Variants in AARS2 observed in about 807,000 individuals in gnomAD.
AARS2 encodes alanyl-tRNA synthetase 2, mitochondrial, also known as alanine--tRNA ligase, mitochondrial.
Under a neutral mutation model 119.7 loss-of-function variants are expected in AARS2, and 78 were observed. That is an observed-to-expected ratio of 0.65 (90% CI 0.54 to 0.79). AARS2 has a LOEUF of 0.79. Ranked by LOEUF, AARS2 falls within the 30% of genes least tolerant of loss-of-function variation. The probability of loss-of-function intolerance (pLI) is 0.00; values close to 1 mark genes in which losing one functional copy is unlikely to be tolerated. For missense variants in AARS2, 1,157 were observed against 1,291.3 expected (o/e 0.90, Z 1.59); for synonymous variants, 502 against 526.3 (o/e 0.95, Z 0.63).
Position 44,304,736 on chromosome 6 carries a change from C to A in AARS2, c.1661G>T (p.Arg554Leu). The A allele has an allele frequency of 6.2e-7, 1 of 1,614,222 alleles. No individual in the cohort carries two copies. Residue 554 changes from arginine (R) to leucine (L), a missense_variant, in exon 12 of 22, where the codon CGC becomes CTC. Coordinates refer to ENST00000244571, the MANE Select transcript of AARS2 (RefSeq NM_020745.4). ...TAVASVGKGQRCGLLLDRTNF... is the reference protein window; with the variant it reads ...TAVASVGKGQLCGLLLDRTNF... ...GGTCCTGTCCAAGAGGAGGCCACAG[C>A]GCTGGCCTTTCCCCACGGAGGCCAC... is the stretch of plus-strand genomic sequence containing the variant.
rs1410922691 is a variant in AARS2, at chr6:44,304,065, G to A, written c.2007+116C>T. ...ACTTGCCCAGGGTCCCATAGTGATT[G>A]GGTGGCCGTGCTGGGCCTAGAGCCC... On this transcript the variant is annotated intron_variant, in intron 14 of 21. Transcript: ENST00000244571. 7 of 1,467,684 alleles carry A rather than the reference G, an allele frequency of 4.8e-6. No homozygotes were observed. In the Admixed American group the frequency reaches 6.9e-5, roughly 15 times the overall value. The allele number at this position is 1,467,684 out of a possible 1,614,324, so 90.9% of individuals were successfully genotyped here. A position where few individuals can be genotyped will look rare whatever the true frequency, so the allele number is the denominator to read the frequency against.
intron 2 of AARS2, 114 bp from the exon 3 acceptor site, chr6:44,311,649 T>C: frequency 7.8e-7 from 1 of 1,278,194 alleles, no homozygotes; most frequent in Non-Finnish European, 1.1e-6. Context: ...GCATTTCTGC[T>C]GCCATCTTGT....
In AARS2 at chr6:44,304,170, G is replaced by A. The variant is rs372467518; in HGVS notation, c.2007+11C>T. 23 of 1,612,792 alleles carry A rather than the reference G, an allele frequency of 1.4e-5. No homozygotes were observed. The highest frequency in any genetic ancestry group is 2.7e-5 in the African/African-American group (2 of 74,892). ...CCTCACATGAAGCCTGTCTTTCTAT[G>A]CCGGGCTCACCTGGGTGGTCACATC... On this transcript the variant is annotated intron_variant, in intron 14 of 21. Transcript: ENST00000244571.
intron 4 of AARS2, 59 bp from the exon 5 acceptor site, chr6:44,310,502 T>A: frequency 1.2e-6 from 2 of 1,602,934 alleles, no homozygotes; most frequent in Non-Finnish European, 1.7e-6. Flanking sequence ...GTGAGACAGA[T>A]GCCCAAGTGG....
chr6:44,308,251 C>A lies in AARS2; in HGVS notation c.895-857G>T, dbSNP rs146049631. Among the ~76,000 whole-genome samples, 271 of 152,250 alleles carry A rather than the reference C, an allele frequency of 1.8e-3. 1 individual carries two copies. The highest frequency in any genetic ancestry group is 6.8e-3 in the Middle Eastern group (2 of 294). On this transcript the variant is annotated intron_variant, in intron 5 of 21. Coordinates refer to ENST00000244571, the MANE Select transcript of AARS2 (RefSeq NM_020745.4). ...ACAGGAGTAGCCTTTTAAAAGTGTA[C>A]ATCAGGCTGGGCGCGGTGGCTCACA...
In AARS2 at chr6:44,304,733, C is replaced by A; in HGVS notation, c.1664G>T (p.Cys555Phe). 1 of 1,614,232 alleles carries A rather than the reference C, an allele frequency of 6.2e-7. No homozygotes were observed. The highest frequency in any genetic ancestry group is 8.5e-7 in the Non-Finnish European group (1 of 1,180,032). The change falls in exon 12 of 22, where the codon TGT becomes TTT. Residue 555 changes from cysteine (C) to phenylalanine (F), a missense_variant. Transcript: ENST00000244571. Reference protein sequence around the residue: ...AVASVGKGQRCGLLLDRTNFY... With the variant: ...AVASVGKGQRFGLLLDRTNFY... ...GTTGGTCCTGTCCAAGAGGAGGCCA[C>A]AGCGCTGGCCTTTCCCCACGGAGGC...
In AARS2 at chr6:44,304,808, G is replaced by C; in HGVS notation, c.1589C>G (p.Thr530Ser). 3 of 1,614,182 alleles carry C rather than the reference G, an allele frequency of 1.9e-6. No homozygotes were observed. The highest frequency in any genetic ancestry group is 2.5e-6 in the Non-Finnish European group (3 of 1,180,016). ...CAGTTGCAACACCTGGGCCTCACAG[G>C]TGCCGAACTCTGCCAGGGCACAGAA... is the stretch of plus-strand genomic sequence containing the variant. ...LRPSGSYEFG[T>S]CEAQVLQLYT... The change falls in exon 12 of 22, where the codon ACC (threonine) becomes AGC (serine). Residue 530 changes from threonine to serine, a missense_variant. Thr to Ser is a moderately conservative substitution (Grantham distance 58). Coordinates refer to ENST00000244571, the MANE Select transcript of AARS2 (RefSeq NM_020745.4).
At chr6:44,301,094 CA>C in intron 21 of AARS2, 61 bp downstream of exon 21, 1 of 1,466,656 alleles carries the variant, frequency 6.8e-7, no homozygotes, top group East Asian at 2.3e-5. Context: ...GGTGTAAAAT[CA>C]GAGAGCTGGA....
chr6:44,308,058 C>T (rs2153355789), intron 5 of AARS2, among the ~76,000 whole-genome samples: 1 of 152,338 alleles, frequency 6.6e-6, no homozygotes, highest in East Asian at 1.9e-4. Context: ...ATCAGTGGTT[C>T]CTTTTGCTCC....
At position 44,304,749 on chromosome 6, in the gene AARS2, C is replaced by G; in HGVS notation, c.1648G>C (p.Gly550Arg). 1 of 1,614,214 alleles carries G rather than the reference C, an allele frequency of 6.2e-7. No homozygotes were observed. Among genetic ancestry groups the G allele is most frequent in the Non-Finnish European group, 8.5e-7 (1 of 1,180,032 alleles). The part of the protein sequence containing the change: ...TEDGTAVASV[G>R]KGQRCGLLLD... Reference sequence around the variant, plus strand: ...AGGAGGCCACAGCGCTGGCCTTTCCCCACGGAGGCCACTGCTGTCCCGTCC... The same window carrying G: ...AGGAGGCCACAGCGCTGGCCTTTCCGCACGGAGGCCACTGCTGTCCCGTCC... The change falls in exon 12 of 22, where the codon GGG becomes CGG. Residue 550 changes from glycine (G) to arginine (R), a missense_variant. By Grantham distance (125) the Gly-to-Arg change is moderately radical. Transcript: ENST00000244571.
At position 44,310,326 on chromosome 6, in the gene AARS2, A is replaced by G; in HGVS notation, c.867T>C (p.Phe289=). Residue 289 remains phenylalanine (F), a synonymous_variant, in exon 5 of 22, where the codon TTT becomes TTC. Coordinates refer to ENST00000244571, the MANE Select transcript of AARS2 (RefSeq NM_020745.4). ...GCTGTATGGCGTTGAGCAGCGGGGA[A>G]AAGAGGTCAGTGTCATAGGTGGAGT... ...GKHSTYDTDL[F]SPLLNAIQQG... is the part of the protein sequence containing the mutation. 6.2e-7 allele frequency: 1 copy of G among 1,609,922 alleles called. No homozygotes were observed. The highest frequency in any genetic ancestry group is 8.5e-7 in the Non-Finnish European group (1 of 1,178,088).
In AARS2 at chr6:44,303,157, G is replaced by T. The variant is rs145436818; in HGVS notation, c.2164C>A (p.Arg722=). 4 of 1,614,140 alleles carry T rather than the reference G, an allele frequency of 2.5e-6. No homozygotes were observed. Among genetic ancestry groups the T allele is most frequent in the Middle Eastern group, 1.6e-4 (1 of 6,062 alleles). The change falls in exon 16 of 22, where the codon CGG becomes AGG. Residue 722 remains arginine (R), a synonymous_variant. Coordinates refer to ENST00000244571, the MANE Select transcript of AARS2 (RefSeq NM_020745.4). ...SLDEVYPDPV[R]VVSVGVPVAH... is the part of the protein sequence containing the mutation. ...ACGGGCACCCCCACTGATACCACCCGCACAGGGTCTGGGTAAACCTGAGGT... is the reference window on the plus strand; with the variant it reads ...ACGGGCACCCCCACTGATACCACCCTCACAGGGTCTGGGTAAACCTGAGGT...
intron 3 of AARS2, 105 bp downstream of exon 3, chr6:44,311,285 A>G (rs1346901632): frequency 6.9e-6 from 11 of 1,603,918 alleles, no homozygotes; most frequent in South Asian, 2.2e-5. Flanking sequence ...TGACCCCACA[A>G]TATCCTGGAA....
Position 44,311,434 on chromosome 6 carries a change from C to T in AARS2, c.537G>A (p.Gly179=). The T allele has an allele frequency of 1.2e-6, 2 of 1,614,134 alleles. No individual in the cohort carries two copies. Among genetic ancestry groups the T allele is most frequent in the South Asian group, 1.1e-5 (1 of 91,078 alleles). ...CCCTGGTCTCCAGGTCTGGGTCCAG[C>T]CCTGCCTTGGGGTCACCATCAAAGT... The part of the protein sequence containing the change: ...ISYFDGDPKA[G]LDPDLETRDI... Residue 179 remains glycine (G), a synonymous_variant, in exon 3 of 22, where the codon GGG becomes GGA. Transcript: ENST00000244571.
chr6:44,301,855 G>C (rs552986667), intron 19 of AARS2, among the ~76,000 whole-genome samples: 2 of 152,308 alleles, frequency 1.3e-5, no homozygotes, highest in East Asian at 1.9e-4. Flanking sequence ...GCCAGACTTG[G>C]GAGTTGGGGG....
Position 44,302,850 on chromosome 6 carries a change from G to C in AARS2, c.2316C>G (p.Ser772=), listed in dbSNP as rs1216044541. 1.2e-6 allele frequency: 2 copies of C among 1,614,118 alleles called. No individual in the cohort carries two copies. Among genetic ancestry groups the C allele is most frequent in the Non-Finnish European group, 1.7e-6 (2 of 1,180,036 alleles). ...CGGCCAGCAGGCGGGTAGTGCCCTTGGAAAGCTGGCGGTCCCCGATGATAA... is the reference window on the plus strand; with the variant it reads ...CGGCCAGCAGGCGGGTAGTGCCCTTCGAAAGCTGGCGGTCCCCGATGATAA... ...DLVIIGDRQL[S]KGTTRLLAVT... is the part of the protein sequence containing the mutation. Residue 772 remains serine (S), a synonymous_variant, in exon 17 of 22, where the codon TCC becomes TCG. Transcript: ENST00000244571.
chr6:44,306,402 C>G lies in AARS2; in HGVS notation c.1189-11G>C, dbSNP rs1346509852. On this transcript the variant is annotated splice_polypyrimidine_tract_variant and intron_variant, in intron 8 of 21. Coordinates refer to ENST00000244571, the MANE Select transcript of AARS2 (RefSeq NM_020745.4). ...CACCAGGTTGGCGATCTGAACCAGG[C>G]AGAGAAGAAGTGGAGCTGGGTCTCC... The G allele has an allele frequency of 6.2e-6, 10 of 1,613,778 alleles. No individual in the cohort carries two copies. Among genetic ancestry groups the G allele is most frequent in the Non-Finnish European group, 8.5e-6 (10 of 1,180,028 alleles).
chr6:44,310,570 G>C lies in AARS2; in HGVS notation c.750-127C>G, dbSNP rs560272554. 867 of 1,261,568 alleles carry C rather than the reference G, an allele frequency of 6.9e-4. 8 individuals are homozygous for C. In the South Asian group the frequency reaches 8.1e-3, roughly 12 times the overall value. The allele number at this position is 1,261,568 out of a possible 1,614,324, so 78.1% of individuals were successfully genotyped here. A position where few individuals can be genotyped will look rare whatever the true frequency, so the allele number is the denominator to read the frequency against. On this transcript the variant is annotated intron_variant, in intron 4 of 21. Coordinates refer to ENST00000244571, the MANE Select transcript of AARS2 (RefSeq NM_020745.4). ...GACAGTGGGAGGAACCAGACAATCA[G>C]TATCTTCCCCTGCCACCCTGCAATA...
chr6:44,307,172 C>T lies in AARS2; in HGVS notation c.1040+77G>A. The T allele has an allele frequency of 6.2e-7, 1 of 1,607,252 alleles. No individual in the cohort carries two copies. The highest frequency in any genetic ancestry group is 8.5e-7 in the Non-Finnish European group (1 of 1,176,220). ...TTCCTCCTACTGGCTCAACCAGACC[C>T]ACCTCTCCTGTTCCCTCCCTCCTCC... On this transcript the variant is annotated intron_variant, in intron 6 of 21. Transcript: ENST00000244571. This position sits in a 1 kb window ranked among gnomAD's most constrained non-coding sequence, Gnocchi z 4.4.
Sources: gnomAD v4.1 joint callset for allele counts (sites outside exome capture counted in the v4.1 genomes callset) on GRCh38, gnomAD v4.1.1 for gene constraint, Gnocchi (gnomAD v3.1) non-coding constraint, MANE v1.5 for transcripts, NCBI Gene and HGNC (gene_info 2026-07-23, HGNC 2026-07-21) for gene names.